Variants in THNSL2 observed in about 807,000 individuals in gnomAD.
The protein encoded by THNSL2 is threonine synthase like 2, also known as threonine synthase-like 2.
THNSL2 carries 34 observed loss-of-function variants against 40.0 expected under a neutral mutation model. The observed-to-expected ratio is 0.85, with a 90% CI of 0.65 to 1.13. The LOEUF (loss-of-function observed/expected upper bound fraction) is 1.13. THNSL2 is among the 50% of genes most tolerant of loss of function. The pLI, the probability that THNSL2 is intolerant of heterozygous loss-of-function variation, is 0.00. For synonymous variants in THNSL2, 241 were observed against 247.5 expected (o/e 0.97, Z 0.25); for missense variants, 537 against 608.8 (o/e 0.88, Z 1.24).
chr2:88,174,869 T>G, intron 3 of THNSL2, 36 bp downstream of exon 3: 1 of 1,605,204 alleles, frequency 6.2e-7, no homozygotes, highest in Non-Finnish European at 8.5e-7. Context: ...AATACCTGAG[T>G]GCTGTGACTG....
chr2:88,170,851 T>C (rs894013687), intron 1 of THNSL2, among the ~76,000 whole-genome samples: 4 of 151,762 alleles, frequency 2.6e-5, no homozygotes, highest in African/African-American at 9.7e-5. Context: ...CGTCGGCTCC[T>C]GGGGTCCGAG....
chr2:88,175,306 TG>T lies in THNSL2; in HGVS notation c.478del (p.Asp160ThrfsTer19). On this transcript the variant is annotated frameshift_variant, in exon 4 of 9. Transcript: ENST00000674334. LOFTEE classifies it high-confidence loss of function. ...GAGAGTGTTCAAGGGGCAAAGAACA[TG>T]GACATTATCGTTCTGCTGCCCAAAG... ...AIESVQGAKN[M>X]DIIVLLPKGH... The T allele has an allele frequency of 6.2e-7, 1 of 1,614,188 alleles. No individual in the cohort carries two copies. Among genetic ancestry groups the T allele is most frequent in the Non-Finnish European group, 8.5e-7 (1 of 1,180,036 alleles).
At chr2:88,183,367 C>A in intron 7 of THNSL2, 1 of 289,578 alleles carries the variant, frequency 3.5e-6, no homozygotes, top group East Asian at 6.3e-5. Flanking sequence ...ATAAGAATGC[C>A]TACCTCATAG....
chr2:88,179,269 C>T (rs1279588655), intron 5 of THNSL2, among the ~76,000 whole-genome samples: 1 of 152,240 alleles, frequency 6.6e-6, no homozygotes, highest in Non-Finnish European at 1.5e-5. Flanking sequence ...GATGTGCTCG[C>T]TGGCTCAGCA....
Position 88,185,313 on chromosome 2 carries a change from C to A in THNSL2, c.1078-15C>A. ...CCCCCCCCACACCTCATCTTTCTGA[C>A]CTGGGACCCTTCAGCTTTCAGAGGC... On this transcript the variant is annotated splice_polypyrimidine_tract_variant and intron_variant, in intron 7 of 8. Coordinates refer to ENST00000674334, the MANE Select transcript of THNSL2 (RefSeq NM_018271.5). The A allele has an allele frequency of 6.2e-7, 1 of 1,609,056 alleles. No homozygotes were observed. The highest frequency in any genetic ancestry group is 8.5e-7 in the Non-Finnish European group (1 of 1,177,654).
Position 88,170,410 on chromosome 2 carries a change from G to GGCCTCGC in THNSL2, c.-55_-49dup, listed in dbSNP as rs1223889857. On this transcript the variant is annotated 5_prime_UTR_variant, in exon 1 of 9. Transcript: ENST00000674334. Reference sequence around the variant, plus strand: ...GCCCGGGCAGCCCTGCTGCGCACCGGGCCTCGCGCCCCGCGCCCCGCGCCC... The same window carrying GGCCTCGC: ...GCCCGGGCAGCCCTGCTGCGCACCGGGCCTCGCGCCTCGCGCCCCGCGCCCCGCGCCC... 7.1e-4 allele frequency: 87 copies of GGCCTCGC among 122,884 alleles called. No homozygotes were observed. Among genetic ancestry groups the GGCCTCGC allele is most frequent in the African/African-American group, 2.7e-3 (79 of 29,546 alleles). The allele number at this position is 122,884 out of a possible 1,614,324, so 7.6% of individuals were successfully genotyped here. A position where few individuals can be genotyped will look rare whatever the true frequency, so the allele number is the denominator to read the frequency against.
Position 88,178,870 on chromosome 2 carries a change from T to C in THNSL2, c.659T>C (p.Leu220Pro). The change falls in exon 5 of 9, where the codon CTG becomes CCG. Residue 220 changes from leucine to proline, a missense_variant. Transcript: ENST00000674334. ...AFVKKHNLMS[L>P]NSINWSRVLV... ...GTCAAGAAGCACAATCTGATGAGCC[T>C]GAATTCGATCAACTGGTCCCGGGTC... 2.5e-6 allele frequency: 4 copies of C among 1,614,208 alleles called. No individual in the cohort carries two copies. In the East Asian group the frequency reaches 8.9e-5, roughly 36 times the overall value.
intron 5 of THNSL2, among the ~76,000 whole-genome samples, chr2:88,182,243 T>C (rs1677772995): frequency 6.6e-6 from 1 of 152,262 alleles, no homozygotes; most frequent in South Asian, 2.1e-4. Context: ...GTGGGAATTT[T>C]CCAATTTCTC....
At chr2:88,171,850 A>G (rs1279492002) in intron 1 of THNSL2, 2 of 152,562 alleles carry the variant, frequency 1.3e-5, no homozygotes, top group Non-Finnish European at 2.9e-5. Context: ...CACTTTCAAA[A>G]GATTCATGGT....
intron 5 of THNSL2, 91 bp from the exon 6 acceptor site, chr2:88,182,608 A>T: frequency 2.9e-6 from 4 of 1,387,188 alleles, no homozygotes; most frequent in Non-Finnish European, 3.8e-6. Flanking sequence ...AAAAGCACAA[A>T]AGTTTCTTAA....
In THNSL2 at chr2:88,174,749, T is replaced by C; in HGVS notation, c.334T>C (p.Phe112Leu). The change falls in exon 3 of 9, where the codon TTT becomes CTT. Residue 112 changes from phenylalanine to leucine, a missense_variant. Physicochemically the swap from Phe to Leu is conservative, Grantham distance 22. Transcript: ENST00000674334. ...LELWHGVTYA[F>L]KDLSLSCTTQ... ...GCTGTGGCATGGCGTCACATATGCA[T>C]TTAAGGACCTGTCCCTGTCCTGCAC... The C allele has an allele frequency of 6.2e-7, 1 of 1,614,154 alleles. No individual in the cohort carries two copies. The highest frequency in any genetic ancestry group is 8.5e-7 in the Non-Finnish European group (1 of 1,180,024).
intron 4 of THNSL2, 104 bp from the exon 5 acceptor site, chr2:88,178,679 A>G (rs1435253301): frequency 5.7e-6 from 7 of 1,235,754 alleles, no homozygotes; most frequent in Admixed American, 1.8e-5. Context: ...CGAAGGTCCC[A>G]GGAGGGTGGG....
chr2:88,175,649 A>T (rs1676846175), intron 4 of THNSL2: 3 of 442,616 alleles, frequency 6.8e-6, no homozygotes, highest in Non-Finnish European at 1.2e-5. Context: ...TGGATTGAAA[A>T]CCATACCCCA....
At position 88,174,805 on chromosome 2, in the gene THNSL2, G is replaced by A. The variant is rs1676731988; in HGVS notation, c.390G>A (p.Lys130=). 1 of 1,614,074 alleles carries A rather than the reference G, an allele frequency of 6.2e-7. No homozygotes were observed. Among genetic ancestry groups the A allele is most frequent in the African/African-American group, 1.3e-5 (1 of 74,928 alleles). The change falls in exon 3 of 9, where the codon AAG becomes AAA. Residue 130 remains lysine, a synonymous_variant. Coordinates refer to ENST00000674334, the MANE Select transcript of THNSL2 (RefSeq NM_018271.5). ...AGTTCCTGCAGTACTTCCTGGAGAA[G>A]AGGGAGAAGCACGTCACTGTGGTTG... ...TTQFLQYFLE[K]REKHVTVVVG...
At chr2:88,178,156 C>A (rs1251727625) in intron 4 of THNSL2, among the ~76,000 whole-genome samples, 1 of 152,150 alleles carries the variant, frequency 6.6e-6, no homozygotes, top group Non-Finnish European at 1.5e-5. Flanking sequence ...GTGGACAATT[C>A]ACCATAAATT....
rs552426782 is a variant in THNSL2, at chr2:88,185,432, G to A, written c.1182G>A (p.Ala394=). The change falls in exon 8 of 9, where the codon GCG becomes GCA. Residue 394 remains alanine, a synonymous_variant. Coordinates refer to ENST00000674334, the MANE Select transcript of THNSL2 (RefSeq NM_018271.5). ...AGTACTTGCTGTGCCCCCACTCAGC[G>A]GTGGCCGTGAACTACCATTACCAGC... ...ENQYLLCPHS[A]VAVNYHYQQI... The A allele has an allele frequency of 5.9e-5, 95 of 1,613,792 alleles. 1 individual carries two copies. In the South Asian group the frequency reaches 8.1e-4, roughly 14 times the overall value.
Position 88,180,441 on chromosome 2 carries a change from G to A in THNSL2, c.802+1428G>A, listed in dbSNP as rs905897463. Among the ~76,000 whole-genome samples the A allele has an allele frequency of 1.3e-5, 2 of 152,104 alleles. 1 individual carries two copies. Among genetic ancestry groups the A allele is most frequent in the South Asian group, 4.1e-4 (2 of 4,824 alleles). ...ACAAAAATTAGCCAGGTGTGGTGGCGCATGCCTGTAATCCCAGTTACTCAG... is the reference window on the plus strand; with the variant it reads ...ACAAAAATTAGCCAGGTGTGGTGGCACATGCCTGTAATCCCAGTTACTCAG... On this transcript the variant is annotated intron_variant, in intron 5 of 8. Coordinates refer to ENST00000674334, the MANE Select transcript of THNSL2 (RefSeq NM_018271.5).
Position 88,174,846 on chromosome 2 carries a change from G to T in THNSL2, c.418+13G>T. On this transcript the variant is annotated intron_variant, in intron 3 of 8. Coordinates refer to ENST00000674334, the MANE Select transcript of THNSL2 (RefSeq NM_018271.5). ...ACTGTGGTTGTAGGTGTGTTTTTGG[G>T]GCACAAACGCAGAATACCTGAGTGC... 1 of 1,612,992 alleles carries T rather than the reference G, an allele frequency of 6.2e-7. No homozygotes were observed. The highest frequency in any genetic ancestry group is 1.1e-5 in the South Asian group (1 of 90,996).
At chr2:88,177,283 A>C (rs551913143) in intron 4 of THNSL2, 22 of 152,278 alleles carry the variant, frequency 1.4e-4, no homozygotes, top group African/African-American at 5.1e-4. Flanking sequence ...TTTGGTTTTA[A>C]GGAGGATGTG....
Sources: gnomAD v4.1 joint callset for allele counts (sites outside exome capture counted in the v4.1 genomes callset) on GRCh38, gnomAD v4.1.1 for gene constraint, MANE v1.5 for transcripts, NCBI Gene and HGNC (gene_info 2026-07-23, HGNC 2026-07-21) for gene names.